CCDC68: variants seen among roughly 807,000 people sequenced by gnomAD.
The protein encoded by CCDC68 is coiled-coil domain-containing protein 68.
Under a neutral mutation model 47.1 loss-of-function variants are expected in CCDC68, and 45 were observed. The ratio of observed to expected loss-of-function variants is 0.96; its 90% CI spans 0.75 to 1.23. The LOEUF is 1.23. CCDC68 is among the 50% of genes most tolerant of loss of function. The pLI is 0.00. For missense variants in CCDC68, 353 were observed against 373.6 expected (o/e 0.94, Z 0.45); for synonymous variants, 131 against 129.5 (o/e 1.01, Z -0.08).
At chr18:54,936,516 C>T (rs1365627634) in intron 6 of CCDC68, among the ~76,000 whole-genome samples, 2 of 151,930 alleles carry the variant, frequency 1.3e-5, no homozygotes, top group Non-Finnish European at 2.9e-5. Flanking sequence ...AACGGCAGAG[C>T]CCGAAGAGAA....
intron 10 of CCDC68, among the ~76,000 whole-genome samples, chr18:54,917,666 T>G (rs1011443193): frequency 1.3e-5 from 2 of 151,974 alleles, no homozygotes; most frequent in Non-Finnish European, 2.9e-5. Flanking sequence ...AAATGACACT[T>G]GCATACACAC....
chr18:54,941,079 C>T lies in CCDC68; in HGVS notation c.122G>A (p.Arg41Gln), dbSNP rs138697735. The change falls in exon 4 of 12, where the codon CGA becomes CAA. Residue 41 changes from arginine (R) to glutamine (Q), a missense_variant. Coordinates refer to ENST00000591504, the MANE Select transcript of CCDC68 (RefSeq NM_025214.3). ...GGTCCTGATCTTTTGCAGAGTAGTT[C>T]GAATCTAGAGAAGGAAAACAAAACC... is the stretch of plus-strand genomic sequence containing the variant. Reference protein sequence around the residue: ...IEETEYVKKIRTTLQKIRTQM... With the variant: ...IEETEYVKKIQTTLQKIRTQM... The T allele has an allele frequency of 1.1e-4, 178 of 1,609,424 alleles. No individual in the cohort carries two copies. The African/African-American group carries it at 1.2e-3, about 11-fold the overall frequency.
rs145325225 is a variant in CCDC68 at position 54,938,004 on chromosome 18, G to C, written c.298C>G (p.Leu100Val). ...TCTTTGTTCATTTCTAAGAGCTGTA[G>C]GTCTTTTCCTTTTATCTTTTTCATA... ...LLMKKIKGKD[L>V]QLLEMNKENE... The change falls in exon 5 of 12, where the codon CTA becomes GTA. Residue 100 changes from leucine (L) to valine (V), a missense_variant. By Grantham distance (32) the Leu-to-Val change is conservative. Coordinates refer to ENST00000591504, the MANE Select transcript of CCDC68 (RefSeq NM_025214.3). 25 of 1,613,028 alleles carry C rather than the reference G, an allele frequency of 1.5e-5. No homozygotes were observed. The highest frequency in any genetic ancestry group is 3.3e-5 in the South Asian group (3 of 90,966).
At chr18:54,921,865 T>C (rs913416274) in intron 8 of CCDC68, among the ~76,000 whole-genome samples, 4 of 152,204 alleles carry the variant, frequency 2.6e-5, no homozygotes, top group African/African-American at 4.8e-5. Flanking sequence ...ATCTGCTTTT[T>C]ATAACATGAT....
intron 10 of CCDC68, among the ~76,000 whole-genome samples, chr18:54,909,123 T>C (rs971234198): frequency 6.6e-5 from 10 of 152,184 alleles, no homozygotes; most frequent in Non-Finnish European, 1.5e-4. Context: ...GCCAGTGTTT[T>C]CTCTACAACA....
At chr18:54,904,759 TC>T (rs1205306669) in intron 11 of CCDC68, among the ~76,000 whole-genome samples, 1 of 152,080 alleles carries the variant, frequency 6.6e-6, no homozygotes, top group Non-Finnish European at 1.5e-5. Flanking sequence ...AATCAACTGT[TC>T]CCCCAGGCTA....
At chr18:54,931,431 A>C (rs1257676087) in intron 7 of CCDC68, among the ~76,000 whole-genome samples, 1 of 152,174 alleles carries the variant, frequency 6.6e-6, no homozygotes, top group Non-Finnish European at 1.5e-5. Flanking sequence ...ACCAATTTCA[A>C]TCATTGCCAA....
chr18:54,950,690 A>G (rs1328894890), intron 1 of CCDC68, among the ~76,000 whole-genome samples: 1 of 151,524 alleles, frequency 6.6e-6, no homozygotes, highest in African/African-American at 2.4e-5. Context: ...ATATATAAAT[A>G]TGTACTATTG....
intron 8 of CCDC68, among the ~76,000 whole-genome samples, chr18:54,928,260 T>C (rs1443818970): frequency 1.3e-5 from 2 of 152,206 alleles, no homozygotes; most frequent in Non-Finnish European, 1.5e-5. Context: ...ATCCCCAGCA[T>C]ACTGAGGACT....
chr18:54,904,466 G>T, intron 11 of CCDC68, 51 bp from the exon 12 acceptor site: 2 of 1,422,598 alleles, frequency 1.4e-6, no homozygotes, highest in Non-Finnish European at 2.0e-6. Context: ...AAACTCTAGT[G>T]ATTATGGCTA....
chr18:54,944,588 T>A (rs2044494406), intron 2 of CCDC68, among the ~76,000 whole-genome samples: 1 of 152,134 alleles, frequency 6.6e-6, no homozygotes, highest in African/African-American at 2.4e-5. Flanking sequence ...TAGAAGCACA[T>A]AAGGCAAAAG....
In CCDC68 at chr18:54,953,311, A is replaced by T. The variant is rs150273006; in HGVS notation, c.-103+6025T>A. Among the ~76,000 whole-genome samples the T allele has an allele frequency of 8.1e-4, 124 of 152,276 alleles. 1 individual carries two copies. Among genetic ancestry groups the T allele is most frequent in the African/African-American group, 3.0e-3 (123 of 41,540 alleles). Reference sequence around the variant, plus strand: ...CAAAAACTTACAATAGTCTATACTGAAAAAGATGAATTTGTACATGTTATT... The same window carrying T: ...CAAAAACTTACAATAGTCTATACTGTAAAAGATGAATTTGTACATGTTATT... On this transcript the variant is annotated intron_variant, in intron 1 of 11. Coordinates refer to ENST00000591504, the MANE Select transcript of CCDC68 (RefSeq NM_025214.3).
intron 7 of CCDC68, among the ~76,000 whole-genome samples, chr18:54,934,421 A>C (rs961374642): frequency 7.2e-5 from 11 of 152,212 alleles, no homozygotes; most frequent in Non-Finnish European, 2.9e-5. Flanking sequence ...AAAAATGGAT[A>C]CTGCACTGAC....
intron 1 of CCDC68, among the ~76,000 whole-genome samples, chr18:54,956,569 A>C (rs2044716254): frequency 6.6e-6 from 1 of 152,258 alleles, no homozygotes; most frequent in Non-Finnish European, 1.5e-5. Flanking sequence ...AATAAATCCT[A>C]GTTAAGCAAT....
intron 4 of CCDC68, among the ~76,000 whole-genome samples, chr18:54,940,622 T>G (rs2044420210): frequency 6.6e-6 from 1 of 152,204 alleles, no homozygotes; most frequent in Admixed American, 6.5e-5. Flanking sequence ...ATCAACTATC[T>G]AACAAAGTCT....
intron 8 of CCDC68, among the ~76,000 whole-genome samples, chr18:54,919,618 A>G (rs1456179870): frequency 3.3e-5 from 5 of 152,232 alleles, no homozygotes; most frequent in African/African-American, 9.6e-5. Flanking sequence ...CATTCTGGCC[A>G]TCTGTGACTC....
Position 54,934,801 on chromosome 18 carries a change from T to C in CCDC68, c.600+19A>G. 3 of 1,430,302 alleles carry C rather than the reference T, an allele frequency of 2.1e-6. No homozygotes were observed. The highest frequency in any genetic ancestry group is 3.5e-5 in the South Asian group (2 of 56,694). The allele number at this position is 1,430,302 out of a possible 1,614,324, so 88.6% of individuals were successfully genotyped here. On this transcript the variant is annotated intron_variant, in intron 7 of 11. Coordinates refer to ENST00000591504, the MANE Select transcript of CCDC68 (RefSeq NM_025214.3). Reference sequence around the variant, plus strand: ...TAATGCTGTCAGTAAGAAAATCCTCTAATTCTCCAGGGGCGTACCTTTTCC... The same window carrying C: ...TAATGCTGTCAGTAAGAAAATCCTCCAATTCTCCAGGGGCGTACCTTTTCC...
At chr18:54,945,590 A>G (rs2044511714) in intron 1 of CCDC68, 113 bp from the exon 2 acceptor site, 1 of 152,204 alleles carries the variant, frequency 6.6e-6, no homozygotes, top group Non-Finnish European at 1.5e-5. Flanking sequence ...TTGAAACAAG[A>G]TCGCTTCTGG....
intron 10 of CCDC68, among the ~76,000 whole-genome samples, chr18:54,909,481 A>C (rs1173426096): frequency 1.3e-5 from 2 of 150,582 alleles, no homozygotes; most frequent in Non-Finnish European, 2.9e-5. Context: ...TTCTGGCCGC[A>C]AATGTTTGAG....
Sources: gnomAD v4.1 joint callset for allele counts (sites outside exome capture counted in the v4.1 genomes callset) on GRCh38, gnomAD v4.1.1 for gene constraint, MANE v1.5 for transcripts, NCBI Gene and HGNC (gene_info 2026-07-23, HGNC 2026-07-21) for gene names.